Variants in PUS10 observed in about 807,000 individuals in gnomAD.
The protein encoded by PUS10 is tRNA pseudouridine synthase Pus10.
A neutral mutation model predicts 75.0 loss-of-function variants in PUS10; 59 were observed. The observed-to-expected ratio is 0.79, with a 90% CI of 0.64 to 0.98. PUS10 has a LOEUF of 0.98. Among genes scored for constraint, PUS10 ranks in the 50% least tolerant of loss-of-function variants. The pLI is 0.00. For synonymous variants in PUS10, 219 were observed against 211.6 expected (o/e 1.03, Z -0.30); for missense variants, 650 against 614.4 (o/e 1.06, Z -0.61).
chr2:60,977,072 G>A (rs1431946035), intron 4 of PUS10, among the ~76,000 whole-genome samples: 1 of 152,176 alleles, frequency 6.6e-6, no homozygotes, highest in South Asian at 2.1e-4. Flanking sequence ...AGTTGAATAA[G>A]TGCTTGCTAA....
chr2:60,941,151 T>G lies in PUS10; in HGVS notation c.*1244A>C, dbSNP rs2104031018. The stretch of plus-strand genomic sequence containing the variant: ...CTGAAATTGTAATGAGGCTCCTTTC[T>G]GAAACTTAAATGACCCATTCATTTT... On this transcript the variant is annotated 3_prime_UTR_variant, in exon 18 of 18. Coordinates refer to ENST00000316752, the MANE Select transcript of PUS10 (RefSeq NM_144709.4). The G allele has an allele frequency of 6.6e-6, 1 of 152,442 alleles. No homozygotes were observed. The highest frequency in any genetic ancestry group is 2.1e-4 in the South Asian group (1 of 4,826). 9.4% of individuals were successfully genotyped at this position (152,442 alleles called of 1,614,324 possible).
chr2:61,014,817 G>A (rs943145442), intron 1 of PUS10, among the ~76,000 whole-genome samples: 1 of 152,162 alleles, frequency 6.6e-6, no homozygotes, highest in Non-Finnish European at 1.5e-5. Flanking sequence ...GTATAAAGAC[G>A]TGATTCTTCT....
intron 4 of PUS10, among the ~76,000 whole-genome samples, chr2:60,989,548 C>A (rs1206015743): frequency 6.6e-6 from 1 of 152,152 alleles, no homozygotes; most frequent in Admixed American, 6.5e-5. Flanking sequence ...TGCCCAAGAC[C>A]TAAATGAAGA....
At chr2:60,947,423 A>G (rs2104132721) in intron 16 of PUS10, among the ~76,000 whole-genome samples, 1 of 152,358 alleles carries the variant, frequency 6.6e-6, no homozygotes, top group East Asian at 1.9e-4. Context: ...AAATGAATCC[A>G]TCTTTCTGAG....
chr2:60,993,629 T>A (rs1195023851), intron 4 of PUS10, among the ~76,000 whole-genome samples: 2 of 152,132 alleles, frequency 1.3e-5, no homozygotes, highest in African/African-American at 4.8e-5. Context: ...TGGTATCTAG[T>A]CTAGAAAACA....
intron 4 of PUS10, among the ~76,000 whole-genome samples, chr2:61,003,197 C>T (rs894667077): frequency 1.3e-5 from 2 of 152,126 alleles, no homozygotes; most frequent in East Asian, 1.9e-4. Context: ...AGCGGTGGCT[C>T]ACACCTGTAA....
intron 15 of PUS10, among the ~76,000 whole-genome samples, chr2:60,949,600 G>C (rs1444507620): frequency 6.6e-6 from 1 of 152,056 alleles, no homozygotes; most frequent in Non-Finnish European, 1.5e-5. Flanking sequence ...CTCCTGAAGA[G>C]GGGATAAGTA....
chr2:60,997,343 G>A (rs897708603), intron 4 of PUS10, among the ~76,000 whole-genome samples: 3 of 152,100 alleles, frequency 2.0e-5, no homozygotes, highest in African/African-American at 7.2e-5. Flanking sequence ...AGGCGCGGTG[G>A]CTCACGCCTG....
intron 1 of PUS10, among the ~76,000 whole-genome samples, chr2:61,014,138 C>G (rs1344554390): frequency 2.0e-5 from 3 of 152,124 alleles, no homozygotes; most frequent in Non-Finnish European, 4.4e-5. Context: ...CTTTGGGAAG[C>G]CGAGGCGGGC....
chr2:60,997,625 A>G (rs867818265), intron 4 of PUS10, among the ~76,000 whole-genome samples: 2 of 148,730 alleles, frequency 1.3e-5, no homozygotes, highest in African/African-American at 5.2e-5. Flanking sequence ...AAAAAAAAAA[A>G]AAAAGGACTT....
Position 61,011,873 on chromosome 2 carries a change from C to G in PUS10, c.18G>C (p.Glu6Asp). 1 of 1,604,934 alleles carries G rather than the reference C, an allele frequency of 6.2e-7. No individual in the cohort carries two copies. The highest frequency in any genetic ancestry group is 8.5e-7 in the Non-Finnish European group (1 of 1,176,904). The change falls in exon 2 of 18, where the codon GAG becomes GAC. Residue 6 changes from glutamate (E) to aspartate (D), a missense_variant. Transcript: ENST00000316752. MFPLT[E>D]ENKHVAQLLL... ...ACAACTGGGCCACATGCTTGTTTTC[C>G]TCAGTCAGTGGGAACATATTGAATA...
chr2:60,992,409 A>C (rs1678147610), intron 4 of PUS10, among the ~76,000 whole-genome samples: 1 of 152,230 alleles, frequency 6.6e-6, no homozygotes, highest in Non-Finnish European at 1.5e-5. Context: ...TCAATAGGGC[A>C]TGAGTGCACA....
chr2:60,971,051 G>C (rs191252043), intron 5 of PUS10, among the ~76,000 whole-genome samples: 2 of 151,840 alleles, frequency 1.3e-5, no homozygotes, highest in Non-Finnish European at 2.9e-5. Context: ...ATGGTGGCAG[G>C]CTCCTGTAAT....
intron 17 of PUS10, 26 bp downstream of exon 17, chr2:60,944,983 G>T: frequency 2.0e-6 from 3 of 1,538,404 alleles, no homozygotes; most frequent in Non-Finnish European, 2.7e-6. Flanking sequence ...ATTTGCCAAT[G>T]TGCATTCCAC....
intron 4 of PUS10, among the ~76,000 whole-genome samples, chr2:60,987,062 G>C (rs1677768512): frequency 6.6e-6 from 1 of 152,142 alleles, no homozygotes; most frequent in Non-Finnish European, 1.5e-5. Context: ...AAATTAAAAA[G>C]GATCTCCTCA....
chr2:61,017,849 C>G (rs1680114572), intron 1 of PUS10, 159 bp downstream of exon 1: 1 of 1,550,384 alleles, frequency 6.5e-7, no homozygotes, highest in African/African-American at 1.4e-5. Flanking sequence ...GCCCCACTTT[C>G]CAGTGAGTGT....
At chr2:60,947,206 C>T (rs1674995712) in intron 16 of PUS10, among the ~76,000 whole-genome samples, 1 of 152,032 alleles carries the variant, frequency 6.6e-6, no homozygotes, top group South Asian at 2.1e-4. Context: ...TCATCTGAAT[C>T]GTTTTGTTTT....
chr2:61,001,322 G>A (rs542480664), intron 4 of PUS10, among the ~76,000 whole-genome samples: 14 of 151,414 alleles, frequency 9.2e-5, no homozygotes, highest in Admixed American at 6.6e-4. Flanking sequence ...GTCTCCCCAG[G>A]CTGGAGTGCA....
rs1481410998 is a variant in PUS10, at chr2:60,965,237, C to CTAT, written c.678-137_678-135dup. On this transcript the variant is annotated intron_variant, in intron 7 of 17. Transcript: ENST00000316752. ...CAGACAAAATGAGTCCCTGTATGAG[C>CTAT]TATATCGGTTTGCCCAGGAACTATG... 6 of 1,010,454 alleles carry CTAT rather than the reference C, an allele frequency of 5.9e-6. No homozygotes were observed. In the African/African-American group the frequency reaches 9.7e-5, roughly 16 times the overall value. The allele number at this position is 1,010,454 out of a possible 1,614,324, so 62.6% of individuals were successfully genotyped here.
Sources: gnomAD v4.1 joint callset for allele counts (sites outside exome capture counted in the v4.1 genomes callset) on GRCh38, gnomAD v4.1.1 for gene constraint, MANE v1.5 for transcripts, NCBI Gene and HGNC (gene_info 2026-07-23, HGNC 2026-07-21) for gene names.